The following XYLT1 variants were observed in gnomAD, a reference collection of about 807,000 sequenced individuals.
XYLT1 encodes beta-D-xylosyltransferase 1.
Under a neutral mutation model 91.3 loss-of-function variants are expected in XYLT1, and 36 were observed. The ratio of observed to expected loss-of-function variants is 0.39; its 90% CI spans 0.30 to 0.52. XYLT1 has a LOEUF of 0.52. Ranked by LOEUF, XYLT1 falls within the 20% of genes least tolerant of loss-of-function variation. The probability of loss-of-function intolerance (pLI) is 0.68; values close to 1 mark genes in which losing one functional copy is unlikely to be tolerated. For synonymous variants in XYLT1, 588 were observed against 532.0 expected (o/e 1.11, Z -1.45); for missense variants, 1,242 against 1,284.5 (o/e 0.97, Z 0.51).
chr16:17,379,206 G>T (rs149911166), intron 1 of XYLT1, among the ~76,000 whole-genome samples: 1 of 152,122 alleles, frequency 6.6e-6, no homozygotes, highest in East Asian at 1.9e-4. Flanking sequence ...ACCACACTCC[G>T]CTCCAAGGAG....
intron 3 of XYLT1, among the ~76,000 whole-genome samples, chr16:17,231,842 G>T (rs1006075361): frequency 2.6e-5 from 4 of 152,058 alleles, no homozygotes; most frequent in Admixed American, 6.6e-5. Context: ...ACTGGTAGTT[G>T]CTCTGGGTGA....
chr16:17,139,192 T>A lies in XYLT1; in HGVS notation c.1588-661A>T, dbSNP rs9940501. Among the ~76,000 whole-genome samples, 978 of 152,038 alleles carry A rather than the reference T, an allele frequency of 6.4e-3. 7 individuals carry two copies. The highest frequency in any genetic ancestry group is 0.022 in the African/African-American group (909 of 41,468). Reference sequence around the variant, plus strand: ...GAGTACTTGAGAGACTGCCAGAGAGTGAGAGAAAGATTTCTATAATAGACA... The same window carrying A: ...GAGTACTTGAGAGACTGCCAGAGAGAGAGAGAAAGATTTCTATAATAGACA... On this transcript the variant is annotated intron_variant, in intron 7 of 11. Transcript: ENST00000261381.
At chr16:17,318,954 A>G (rs1166836380) in intron 2 of XYLT1, among the ~76,000 whole-genome samples, 1 of 151,718 alleles carries the variant, frequency 6.6e-6, no homozygotes, top group Non-Finnish European at 1.5e-5. Flanking sequence ...TGCCGGGGTA[A>G]TTTTTGTATT....
Position 17,101,772 on chromosome 16 carries a change from T to TC in XYLT1, c.*6922dup, listed in dbSNP as rs1322904329. On this transcript the variant is annotated 3_prime_UTR_variant, in exon 12 of 12. Coordinates refer to ENST00000261381, the MANE Select transcript of XYLT1 (RefSeq NM_022166.4). The stretch of plus-strand genomic sequence containing the variant: ...TGCCATGTACCTATTCTACCTACAT[T>TC]CCATTGGCCTGAGTCAGTCACATGG... 4 of 152,192 alleles carry TC rather than the reference T, an allele frequency of 2.6e-5. No individual in the cohort carries two copies. The highest frequency in any genetic ancestry group is 7.2e-5 in the African/African-American group (3 of 41,434). The allele number at this position is 152,192 out of a possible 1,614,324, so 9.4% of individuals were successfully genotyped here.
rs533281950 is a variant in XYLT1 at position 17,457,764 on chromosome 16, G to C, written c.363+12670C>G. 6.6e-5 allele frequency among the ~76,000 whole-genome samples: 10 copies of C among 152,260 alleles called. No homozygotes were observed. The East Asian group carries it at 1.9e-3, about 29-fold the overall frequency. ...CCCTTTTGAGCTAGGATAAAAGAAA[G>C]TGCAAAAGAGAGACAATGAATAGGC... On this transcript the variant is annotated intron_variant, in intron 1 of 11. Transcript: ENST00000261381.
intron 1 of XYLT1, among the ~76,000 whole-genome samples, chr16:17,460,642 C>T (rs188275621): frequency 6.6e-6 from 1 of 152,302 alleles, no homozygotes. Context: ...TAGGGGGACT[C>T]TTAGGGACCC....
intron 1 of XYLT1, among the ~76,000 whole-genome samples, chr16:17,459,023 T>G (rs2036780839): frequency 1.3e-5 from 2 of 152,136 alleles, no homozygotes; most frequent in African/African-American, 2.4e-5. Flanking sequence ...TTTAGAGTAA[T>G]GTTTGTATCA....
At chr16:17,264,794 C>A (rs2033777821) in intron 2 of XYLT1, among the ~76,000 whole-genome samples, 1 of 152,154 alleles carries the variant, frequency 6.6e-6, no homozygotes, top group Admixed American at 6.5e-5. Context: ...TTGACCGAGG[C>A]TACACTGCTA....
At chr16:17,402,135 C>CAAA (rs559973657) in intron 1 of XYLT1, among the ~76,000 whole-genome samples, 1 of 138,170 alleles carries the variant, frequency 7.2e-6, no homozygotes, top group African/African-American at 2.9e-5. Flanking sequence ...CCTGTTTCTA[C>CAAA]AAAAAAAAAA....
At chr16:17,282,960 ACCC>A (rs11392637) in intron 2 of XYLT1, among the ~76,000 whole-genome samples, 2 of 151,256 alleles carry the variant, frequency 1.3e-5, no homozygotes, top group South Asian at 4.2e-4. Flanking sequence ...GCAATAAGTC[ACCC>A]CCCCCAAGTC....
chr16:17,350,261 G>T (rs909733497), intron 2 of XYLT1, among the ~76,000 whole-genome samples: 32 of 152,190 alleles, frequency 2.1e-4, no homozygotes, highest in African/African-American at 7.7e-4. Context: ...ACAAGAAGGG[G>T]GGAATGGTGA....
chr16:17,297,373 C>T (rs2034326829), intron 2 of XYLT1, among the ~76,000 whole-genome samples: 1 of 151,758 alleles, frequency 6.6e-6, no homozygotes, highest in African/African-American at 2.4e-5. Flanking sequence ...TCGAGAACAG[C>T]CTGGGCAACA....
intron 3 of XYLT1, among the ~76,000 whole-genome samples, chr16:17,202,718 GT>G (rs2032565975): frequency 6.6e-6 from 1 of 152,140 alleles, no homozygotes; most frequent in South Asian, 2.1e-4. Context: ...TTCATAGCAT[GT>G]AACACTGTCT....
intron 3 of XYLT1, among the ~76,000 whole-genome samples, chr16:17,213,882 G>A (rs1052641513): frequency 6.6e-6 from 1 of 152,154 alleles, no homozygotes; most frequent in Non-Finnish European, 1.5e-5. Context: ...CTCCCAAAGT[G>A]CTGGGATTAC....
chr16:17,209,918 CG>C (rs1315232992), intron 3 of XYLT1, among the ~76,000 whole-genome samples: 1 of 152,118 alleles, frequency 6.6e-6, no homozygotes, highest in Non-Finnish European at 1.5e-5. Flanking sequence ...ATTCGTAAGA[CG>C]GGATCTCGCT....
At chr16:17,295,463 C>A (rs1445512720) in intron 2 of XYLT1, among the ~76,000 whole-genome samples, 1 of 152,092 alleles carries the variant, frequency 6.6e-6, no homozygotes, top group Non-Finnish European at 1.5e-5. Flanking sequence ...TCAAGCAATT[C>A]TCCCACCTCA....
chr16:17,138,773 T>C (rs2030866922), intron 7 of XYLT1: 1 of 458,816 alleles, frequency 2.2e-6, no homozygotes. Context: ...CAAAAATGTA[T>C]AACACAACTA....
chr16:17,167,000 T>C (rs1481634186), intron 5 of XYLT1, among the ~76,000 whole-genome samples: 2 of 152,182 alleles, frequency 1.3e-5, no homozygotes, highest in Non-Finnish European at 2.9e-5. Flanking sequence ...TCACCAAGTG[T>C]TAAGTGCTCG....
intron 2 of XYLT1, among the ~76,000 whole-genome samples, chr16:17,353,318 T>C (rs779519619): frequency 6.6e-6 from 1 of 152,066 alleles, no homozygotes; most frequent in African/African-American, 2.4e-5. Flanking sequence ...TGGAGGCCAT[T>C]AGCTAATTGA....
Sources: allele counts gnomAD v4.1 joint callset (sites outside exome capture counted in the v4.1 genomes callset), GRCh38; gene constraint gnomAD v4.1.1; transcripts MANE v1.5; gene names NCBI Gene and HGNC (gene_info 2026-07-23, HGNC 2026-07-21).